The following RTN4RL1 variants were observed in gnomAD, a reference collection of about 807,000 sequenced individuals.
The protein encoded by RTN4RL1 is reticulon-4 receptor-like 1.
Under a neutral mutation model 25.6 loss-of-function variants are expected in RTN4RL1, and 7 were observed. The observed-to-expected ratio is 0.27, with a 90% confidence interval of 0.16 to 0.51. The LOEUF (loss-of-function observed/expected upper bound fraction) is 0.51. Among genes scored for constraint, RTN4RL1 ranks in the 20% least tolerant of loss-of-function variants. The pLI is 0.97. For missense variants in RTN4RL1, 500 were observed against 615.6 expected, an observed-to-expected ratio of 0.81 and a Z score of 1.99; for synonymous variants, 297 against 288.2, an observed-to-expected ratio of 1.03 and a Z score of -0.31.
intron 1 of RTN4RL1, among the ~76,000 whole-genome samples, chr17:1,978,654 T>G (rs2066854176): frequency 6.6e-6 from 1 of 151,932 alleles, no homozygotes. Context: ...GAGGGTGGGC[T>G]GCTGTGCGGA....
At chr17:2,021,663 T>C (rs1597261231) in intron 1 of RTN4RL1, among the ~76,000 whole-genome samples, 1 of 147,974 alleles carries the variant, frequency 6.8e-6, no homozygotes, top group African/African-American at 2.5e-5. Flanking sequence ...CAAGCAATTC[T>C]CCTGCCTCAA....
intron 1 of RTN4RL1, among the ~76,000 whole-genome samples, chr17:1,940,306 G>A (rs961987231): frequency 5.3e-5 from 8 of 152,176 alleles, no homozygotes; most frequent in Non-Finnish European, 8.8e-5. Context: ...CAGCGGTGGC[G>A]GTGGCACAGC....
intron 1 of RTN4RL1, chr17:2,020,806 C>T (rs1053744843): frequency 3.3e-5 from 5 of 152,220 alleles, no homozygotes; most frequent in African/African-American, 1.2e-4. Context: ...AGGAAAGGTT[C>T]TGTATTAGCC....
chr17:1,981,023 C>T (rs2066865145), intron 1 of RTN4RL1, among the ~76,000 whole-genome samples: 1 of 151,528 alleles, frequency 6.6e-6, no homozygotes, highest in Admixed American at 6.6e-5. Context: ...ACTCATCAGG[C>T]AGGAGGCACT....
Position 2,025,005 on chromosome 17 carries a change from G to T in RTN4RL1, c.-140C>A. On this transcript the variant is annotated 5_prime_UTR_variant, in exon 1 of 2. Coordinates refer to ENST00000331238, the MANE Select transcript of RTN4RL1 (RefSeq NM_178568.4). This position sits in a 1 kb window ranked among gnomAD's most constrained non-coding sequence, Gnocchi z 4.8. ...AGCCGGGGATCCGCTCGTGCCCGGT[G>T]GCCCGGCCCCGCAGGGGCATGGTGA... is the stretch of plus-strand genomic sequence containing the variant. 1.1e-6 allele frequency: 1 copy of T among 890,536 alleles called. No homozygotes were observed. 55.2% of individuals were successfully genotyped at this position (890,536 alleles called of 1,614,324 possible). A position where few individuals can be genotyped will look rare whatever the true frequency, so the allele number is the denominator to read the frequency against.
intron 1 of RTN4RL1, among the ~76,000 whole-genome samples, chr17:1,988,358 T>C (rs1194808406): frequency 5.2e-5 from 7 of 133,912 alleles, no homozygotes; most frequent in Non-Finnish European, 1.1e-4. Flanking sequence ...TGAGCCAAGA[T>C]GGCGTCACTG....
chr17:1,946,368 G>A (rs75848890), intron 1 of RTN4RL1, among the ~76,000 whole-genome samples: 4,322 of 152,344 alleles, frequency 0.028, 93 homozygotes, highest in Non-Finnish European at 0.042. Context: ...CTCAGTCCCT[G>A]CAGCCAGGAG....
chr17:1,999,100 A>ACT (rs1172338485), intron 1 of RTN4RL1, among the ~76,000 whole-genome samples: 2 of 148,552 alleles, frequency 1.3e-5, no homozygotes, highest in African/African-American at 2.5e-5. Context: ...GCGATCACAC[A>ACT]CACACACACA....
chr17:1,968,952 C>A (rs903307117), intron 1 of RTN4RL1, among the ~76,000 whole-genome samples: 2 of 152,008 alleles, frequency 1.3e-5, no homozygotes, highest in Non-Finnish European at 2.9e-5. Context: ...GACCCATGGT[C>A]TGCAGCAACC....
chr17:1,988,530 AAAGAAAAAG>A (rs2066896912), intron 1 of RTN4RL1, among the ~76,000 whole-genome samples: 1 of 151,302 alleles, frequency 6.6e-6, no homozygotes. Flanking sequence ...AAAGAAAAGA[AAAGAAAAAG>A]AAAGAATTAA....
intron 1 of RTN4RL1, among the ~76,000 whole-genome samples, chr17:1,956,732 C>A (rs1435587853): frequency 2.1e-5 from 3 of 140,628 alleles, no homozygotes; most frequent in South Asian, 4.6e-4. Context: ...GCATACCTGT[C>A]GGGAACTTTT....
chr17:1,975,093 T>C (rs1460364632), intron 1 of RTN4RL1, among the ~76,000 whole-genome samples: 3 of 151,846 alleles, frequency 2.0e-5, no homozygotes, highest in Admixed American at 6.6e-5. Flanking sequence ...AACTCCTACC[T>C]TGCTCTCAGC....
intron 1 of RTN4RL1, among the ~76,000 whole-genome samples, chr17:1,946,418 T>C (rs1278515306): frequency 6.6e-6 from 1 of 152,260 alleles, no homozygotes; most frequent in Non-Finnish European, 1.5e-5. Flanking sequence ...GTGGTGTGTG[T>C]ACCTGTGTGT....
At chr17:1,948,731 G>T (rs999894620) in intron 1 of RTN4RL1, among the ~76,000 whole-genome samples, 1 of 151,330 alleles carries the variant, frequency 6.6e-6, no homozygotes, top group African/African-American at 2.4e-5. Flanking sequence ...TGTTTGTGAT[G>T]CCTGCCTGGG....
chr17:1,982,384 G>A (rs548112307), intron 1 of RTN4RL1, among the ~76,000 whole-genome samples: 3 of 152,280 alleles, frequency 2.0e-5, no homozygotes, highest in South Asian at 2.1e-4. Context: ...AGACCGAGGC[G>A]GGCGGACCAC....
chr17:1,945,201 G>A (rs1180728524), intron 1 of RTN4RL1, among the ~76,000 whole-genome samples: 1 of 152,104 alleles, frequency 6.6e-6, no homozygotes, highest in African/African-American at 2.4e-5. Context: ...GTCCCCTGAG[G>A]CCTTGTCTGA....
At chr17:1,948,732 C>A (rs796751126) in intron 1 of RTN4RL1, among the ~76,000 whole-genome samples, 162 of 151,384 alleles carry the variant, frequency 1.1e-3, no homozygotes, top group African/African-American at 3.6e-3. Flanking sequence ...GTTTGTGATG[C>A]CTGCCTGGGG....
intron 1 of RTN4RL1, among the ~76,000 whole-genome samples, chr17:1,966,479 G>C (rs969786338): frequency 3.3e-5 from 5 of 152,136 alleles, no homozygotes; most frequent in Non-Finnish European, 5.9e-5. Flanking sequence ...GGGAGGGAGA[G>C]GATTCTGACC....
intron 1 of RTN4RL1, among the ~76,000 whole-genome samples, chr17:1,999,874 G>C (rs928462895): frequency 6.6e-6 from 1 of 152,198 alleles, no homozygotes; most frequent in Non-Finnish European, 1.5e-5. Context: ...GCCTCTTCTC[G>C]CCTCTCCTCT....
Sources: gnomAD v4.1 joint callset for allele counts (sites outside exome capture counted in the v4.1 genomes callset) on GRCh38, gnomAD v4.1.1 for gene constraint, Gnocchi (gnomAD v3.1) non-coding constraint, MANE v1.5 for transcripts, NCBI Gene and HGNC (gene_info 2026-07-23, HGNC 2026-07-21) for gene names.